DCX: variants seen among roughly 807,000 people sequenced by gnomAD.
The protein encoded by DCX is neuronal migration protein doublecortin.
Under a neutral mutation model 20.9 loss-of-function variants are expected in DCX, and 4 were observed. The observed-to-expected ratio is 0.19, with a 90% CI of 0.09 to 0.44. The LOEUF is 0.44. Among genes scored for constraint, DCX ranks in the 20% least tolerant of loss-of-function variants. DCX has a pLI of 0.99. For synonymous variants in DCX, 103 were observed against 111.4 expected (o/e 0.92, Z 0.47); for missense variants, 133 against 296.9 (o/e 0.45, Z 4.06).
chrX:111,378,526 A>G (rs1452670018), intron 3 of DCX, among the ~76,000 whole-genome samples: 1 of 111,632 alleles, frequency 9.0e-6, no homozygotes, highest in Non-Finnish European at 1.9e-5. Flanking sequence ...ATCAAATAAT[A>G]TTCTTCACAC....
intron 3 of DCX, among the ~76,000 whole-genome samples, chrX:111,357,428 C>T (rs1001904204): frequency 8.9e-6 from 1 of 111,820 alleles, no homozygotes; most frequent in Admixed American, 9.5e-5. Context: ...GAAGGCTCTG[C>T]AGCCTCTCAC....
chrX:111,361,859 T>C (rs1035413585), intron 3 of DCX, among the ~76,000 whole-genome samples: 2 of 111,891 alleles, frequency 1.8e-5, no homozygotes, highest in African/African-American at 6.5e-5. Context: ...GCCAACTGCT[T>C]TATCTAGTTC....
At chrX:111,405,123 T>C (rs1021665332) in intron 2 of DCX, among the ~76,000 whole-genome samples, 4 of 112,368 alleles carry the variant, frequency 3.6e-5, no homozygotes, top group Non-Finnish European at 7.5e-5. Context: ...GGGCTGGAGA[T>C]GATCTAATGT....
Position 111,293,920 on chromosome X carries a change from C to T in DCX, c.*7767G>A, listed in dbSNP as rs761120900. 8.9e-6 allele frequency: 1 copy of T among 112,888 alleles called. No individual in the cohort carries two copies. Among genetic ancestry groups the T allele is most frequent in the Admixed American group, 9.4e-5 (1 of 10,638 alleles). 9.3% of individuals were successfully genotyped at this position (112,888 alleles called of 1,213,427 possible). The stretch of plus-strand genomic sequence containing the variant: ...CTCTTTGGCTGCCTGGTATTGAATG[C>T]TGCGAATCTTCAGCACTCACAGTTC... On this transcript the variant is annotated 3_prime_UTR_variant, in exon 7 of 7. Coordinates refer to ENST00000636035, the MANE Select transcript of DCX (RefSeq NM_001195553.2).
intron 6 of DCX, among the ~76,000 whole-genome samples, chrX:111,307,947 A>T (rs1029945140): frequency 7.2e-5 from 8 of 111,468 alleles, no homozygotes; most frequent in Non-Finnish European, 1.5e-4. Flanking sequence ...CTGCTGTGAG[A>T]CTCTGAATTA....
chrX:111,402,917 T>C (rs1927925215), intron 2 of DCX, among the ~76,000 whole-genome samples: 2 of 109,152 alleles, frequency 1.8e-5, no homozygotes, highest in African/African-American at 3.4e-5. Context: ...GACAAAGGGA[T>C]GGTTTTAAGT....
In DCX at chrX:111,301,275, A is replaced by G. The variant is rs1382208272; in HGVS notation, c.*412T>C. On this transcript the variant is annotated 3_prime_UTR_variant, in exon 7 of 7. Transcript: ENST00000636035. ...GGGCACTTGTGTTTGTCATTCTTGG[A>G]TCTGCCAATGAGTTTTTTTTTTCCC... 2 of 157,005 alleles carry G rather than the reference A, an allele frequency of 1.3e-5. No individual in the cohort carries two copies. The highest frequency in any genetic ancestry group is 2.9e-4 in the East Asian group (2 of 6,911). The allele number at this position is 157,005 out of a possible 1,213,427, so 12.9% of individuals were successfully genotyped here. A position where few individuals can be genotyped will look rare whatever the true frequency, so the allele number is the denominator to read the frequency against.
intron 6 of DCX, among the ~76,000 whole-genome samples, chrX:111,309,412 A>T (rs1398580450): frequency 2.7e-5 from 3 of 112,388 alleles, no homozygotes; most frequent in Non-Finnish European, 5.6e-5. Context: ...CCTGCTGCCC[A>T]GAGACTTGAT....
At chrX:111,313,895 G>A (rs1214594626) in intron 5 of DCX, among the ~76,000 whole-genome samples, 2 of 93,739 alleles carry the variant, frequency 2.1e-5, no homozygotes, top group Non-Finnish European at 4.2e-5. Context: ...GGAAGAGAGA[G>A]GGGGAGGGAG....
chrX:111,411,224 C>T (rs1369216780), intron 1 of DCX: 3 of 363,916 alleles, frequency 8.2e-6, no homozygotes, highest in African/African-American at 2.6e-5. Context: ...CATTTGTTCA[C>T]AAAATCCTTT....
intron 3 of DCX, among the ~76,000 whole-genome samples, chrX:111,400,667 G>A (rs187612224): frequency 1.4e-4 from 16 of 112,176 alleles, no homozygotes; most frequent in Non-Finnish European, 2.8e-4. Context: ...AATGAAGGTT[G>A]CATCATATAA....
At chrX:111,383,679 C>G (rs1926152702) in intron 3 of DCX, among the ~76,000 whole-genome samples, 1 of 111,542 alleles carries the variant, frequency 9.0e-6, no homozygotes, top group Non-Finnish European at 1.9e-5. Context: ...TGTTCTGTAC[C>G]TTAGTTTATT....
At chrX:111,372,098 C>T (rs1925145244) in intron 3 of DCX, among the ~76,000 whole-genome samples, 1 of 111,225 alleles carries the variant, frequency 9.0e-6, no homozygotes, top group South Asian at 3.8e-4. Flanking sequence ...TTGGTACAAG[C>T]ATCTGTATCT....
intron 2 of DCX, among the ~76,000 whole-genome samples, chrX:111,405,490 G>C (rs1043178866): frequency 3.6e-5 from 4 of 110,825 alleles, no homozygotes; most frequent in Non-Finnish European, 7.6e-5. Context: ...TACACAGCTC[G>C]GATTTTCTAA....
Position 111,333,136 on chromosome X carries a change from A to G in DCX, c.723T>C (p.Asp241=), listed in dbSNP as rs1921415083. The change falls in exon 4 of 7, where the codon GAT becomes GAC. Residue 241 remains aspartate, a synonymous_variant. Coordinates refer to ENST00000636035, the MANE Select transcript of DCX (RefSeq NM_001195553.2). Reference sequence around the variant, plus strand: ...TAAACACATCATCATCACCAAAGAAATCATGGAGACAAGTTACCTATGGAG... The same window carrying G: ...TAAACACATCATCATCACCAAAGAAGTCATGGAGACAAGTTACCTATGGAG... ...LDGKQVTCLH[D]FFGDDDVFIA... The G allele has an allele frequency of 1.7e-6, 2 of 1,206,090 alleles. No homozygotes were observed. Among genetic ancestry groups the G allele is most frequent in the South Asian group, 3.5e-5 (2 of 56,484 alleles).
At chrX:111,302,558 G>A (rs2040451430) in intron 6 of DCX, among the ~76,000 whole-genome samples, 2 of 112,047 alleles carry the variant, frequency 1.8e-5, no homozygotes, top group Non-Finnish European at 3.8e-5. Context: ...ACCATTTACA[G>A]TCTCACCTCC....
At chrX:111,352,386 C>T (rs1923380989) in intron 3 of DCX, among the ~76,000 whole-genome samples, 2 of 112,258 alleles carry the variant, frequency 1.8e-5, no homozygotes, top group Admixed American at 9.4e-5. Flanking sequence ...CTCCAAGAAC[C>T]AGCTCCATCT....
chrX:111,389,382 A>T (rs984533660), intron 3 of DCX, among the ~76,000 whole-genome samples: 2 of 111,038 alleles, frequency 1.8e-5, no homozygotes, highest in Admixed American at 1.9e-4. Flanking sequence ...ACAATTTCTC[A>T]CATGCACCCT....
rs761941490 is a variant in DCX at position 111,410,080 on chromosome X, T to C, written c.319A>G (p.Ile107Val). The change falls in exon 2 of 7, where the codon ATT becomes GTT. Residue 107 changes from isoleucine (I) to valine (V), a missense_variant. By Grantham distance (29) the Ile-to-Val change is conservative. Around this residue, in one of 2 missense-constraint regions of DCX, gnomAD observed 65 missense variants for 212.6 expected, o/e 0.31. Coordinates refer to ENST00000636035, the MANE Select transcript of DCX (RefSeq NM_001195553.2). ...LPQGVRYIYT[I>V]DGSRKIGSMD... Reference sequence around the variant, plus strand: ...CTTCCGATCTTCCTGGATCCATCAATGGTGTAAATGTAACGCACTCCCTGA... The same window carrying C: ...CTTCCGATCTTCCTGGATCCATCAACGGTGTAAATGTAACGCACTCCCTGA... 8.3e-7 allele frequency: 1 copy of C among 1,211,596 alleles called. No individual in the cohort carries two copies. Among genetic ancestry groups the C allele is most frequent in the Non-Finnish European group, 1.1e-6 (1 of 895,461 alleles).
Sources: gnomAD v4.1 joint callset for allele counts (sites outside exome capture counted in the v4.1 genomes callset) on GRCh38, gnomAD v4.1.1 for gene constraint, gnomAD v4.1.1 regional missense constraint, MANE v1.5 for transcripts, NCBI Gene and HGNC (gene_info 2026-07-23, HGNC 2026-07-21) for gene names.